C20orf203: variants seen among roughly 807,000 people sequenced by gnomAD.
C20orf203 encodes chromosome 20 open reading frame 203.
A neutral mutation model predicts 15.9 loss-of-function variants in C20orf203; 16 were observed. The ratio of observed to expected loss-of-function variants is 1.01; its 90% confidence interval spans 0.68 to 1.53. The LOEUF is 1.53. C20orf203 is among the 40% of genes most tolerant of loss of function. The pLI, the probability that C20orf203 is intolerant of heterozygous loss-of-function variation, is 0.00. For missense variants in C20orf203, 263 were observed against 247.5 expected (o/e 1.06, Z -0.42); for synonymous variants, 98 against 97.2 (o/e 1.01, Z -0.05).
At chr20:32,655,833 G>A (rs1368117192) in intron 1 of C20orf203, among the ~76,000 whole-genome samples, 1 of 152,166 alleles carries the variant, frequency 6.6e-6, no homozygotes, top group Non-Finnish European at 1.5e-5. Context: ...AGATATGGTT[G>A]GGATGTTTGT....
intron 1 of C20orf203, among the ~76,000 whole-genome samples, chr20:32,668,024 G>C (rs111454426): frequency 5.3e-5 from 8 of 152,292 alleles, no homozygotes; most frequent in African/African-American, 1.9e-4. Flanking sequence ...TCTGGGGCTA[G>C]CCCGCCTGGA....
intron 1 of C20orf203, among the ~76,000 whole-genome samples, chr20:32,671,559 T>C (rs1281714995): frequency 3.3e-5 from 5 of 152,052 alleles, no homozygotes; most frequent in African/African-American, 1.2e-4. Flanking sequence ...AATAGTAGAA[T>C]GGGCCAGGCA....
chr20:32,671,075 G>A (rs1433833063), intron 1 of C20orf203, among the ~76,000 whole-genome samples: 1 of 151,520 alleles, frequency 6.6e-6, no homozygotes, highest in African/African-American at 2.4e-5. Context: ...CTTGTGCATG[G>A]TTAGTGGGAA....
intron 1 of C20orf203, among the ~76,000 whole-genome samples, chr20:32,661,481 G>A (rs1461299309): frequency 6.6e-6 from 1 of 152,160 alleles, no homozygotes; most frequent in African/African-American, 2.4e-5. Context: ...TCCAGCCCTG[G>A]CCCTCCAGAA....
intron 5 of C20orf203, among the ~76,000 whole-genome samples, chr20:32,634,505 C>A (rs1266823868): frequency 1.3e-5 from 2 of 152,084 alleles, no homozygotes; most frequent in Non-Finnish European, 2.9e-5. Context: ...AATTTCATGT[C>A]CAGAAATTTA....
rs572484534 is a variant in C20orf203, at chr20:32,640,628, T to C, written c.*1237A>G. 6.6e-6 allele frequency: 1 copy of C among 152,030 alleles called. No homozygotes were observed. The highest frequency in any genetic ancestry group is 2.4e-5 in the African/African-American group (1 of 41,454). 9.4% of individuals were successfully genotyped at this position (152,030 alleles called of 1,614,324 possible). ...ATCACTTGAACCCGGAAGGTGGAGG[T>C]TGCAGCGAGCTGAGATCACGCCACT... On this transcript the variant is annotated 3_prime_UTR_variant, in exon 5 of 6. Coordinates refer to ENST00000608990, the MANE Select transcript of C20orf203 (RefSeq NM_182584.4).
intron 4 of C20orf203, among the ~76,000 whole-genome samples, chr20:32,648,874 C>A (rs1433451399): frequency 6.6e-6 from 1 of 152,142 alleles, no homozygotes; most frequent in Non-Finnish European, 1.5e-5. Context: ...ATTACCTAAC[C>A]ATGGTAAGTG....
At chr20:32,642,556 A>G (rs1423562339) in intron 4 of C20orf203, among the ~76,000 whole-genome samples, 1 of 152,212 alleles carries the variant, frequency 6.6e-6, no homozygotes, top group Non-Finnish European at 1.5e-5. Flanking sequence ...TGGTGGCAGT[A>G]ATCTATCTGG....
At chr20:32,648,480 G>A (rs1600930894) in intron 4 of C20orf203, among the ~76,000 whole-genome samples, 2 of 121,504 alleles carry the variant, frequency 1.6e-5, no homozygotes, top group Non-Finnish European at 1.6e-5. Flanking sequence ...TCGCTCTGTC[G>A]CCCAGGCTGG....
intron 1 of C20orf203, among the ~76,000 whole-genome samples, chr20:32,671,630 G>A (rs1182711397): frequency 6.6e-6 from 1 of 151,468 alleles, no homozygotes; most frequent in East Asian, 2.0e-4. Flanking sequence ...ATCACCTCAG[G>A]TCAGTTTGAG....
intron 4 of C20orf203, among the ~76,000 whole-genome samples, chr20:32,643,451 C>T (rs965702799): frequency 7.2e-5 from 11 of 152,100 alleles, no homozygotes; most frequent in African/African-American, 2.2e-4. Context: ...TCCCATATTC[C>T]CCCGGATTCA....
chr20:32,650,734 C>G lies in C20orf203; in HGVS notation c.283G>C (p.Glu95Gln), dbSNP rs1156361243. The G allele has an allele frequency of 1.3e-6, 2 of 1,542,502 alleles. No homozygotes were observed. The highest frequency in any genetic ancestry group is 1.2e-5 in the South Asian group (1 of 82,844). The change falls in exon 4 of 6, where the codon GAA becomes CAA. Residue 95 changes from glutamate (E) to glutamine (Q), a missense_variant. Glu to Gln is a conservative substitution (Grantham distance 29). Transcript: ENST00000608990. ...CCCTCCCCACCAACCCAAATCCTTTCCTGATAAGGGCCTGGGTGTTGCGGA... is the reference window on the plus strand; with the variant it reads ...CCCTCCCCACCAACCCAAATCCTTTGCTGATAAGGGCCTGGGTGTTGCGGA... ...PPPQHPGPYQ[E>Q]RIWVGGEGWG...
At chr20:32,634,519 G>GA (rs1165982942) in intron 5 of C20orf203, among the ~76,000 whole-genome samples, 2 of 152,168 alleles carry the variant, frequency 1.3e-5, no homozygotes, top group South Asian at 2.1e-4. Context: ...AAATTTATCA[G>GA]AAAAAAACAC....
chr20:32,671,024 A>C (rs1040794057), intron 1 of C20orf203, among the ~76,000 whole-genome samples: 2 of 152,022 alleles, frequency 1.3e-5, no homozygotes, highest in Admixed American at 6.6e-5. Context: ...AAAAAAAAAA[A>C]AAAAACAACA....
Position 32,634,274 on chromosome 20 carries a change from G to T in C20orf203, c.*1300-4C>A. ...CTGGAGAAGGTTATGCTGGAGTCTG[G>T]AAAGATAAGAAAGAATTAGCAAGAC... On this transcript the variant is annotated splice_polypyrimidine_tract_variant and splice_region_variant and intron_variant, in intron 5 of 5. Transcript: ENST00000608990. 2.5e-6 allele frequency: 1 copy of T among 398,466 alleles called. No individual in the cohort carries two copies. Among genetic ancestry groups the T allele is most frequent in the Non-Finnish European group, 4.4e-6 (1 of 226,064 alleles). The allele number at this position is 398,466 out of a possible 1,614,324, so 24.7% of individuals were successfully genotyped here.
In C20orf203 at chr20:32,634,056, G is replaced by T. The variant is rs1982073078; in HGVS notation, c.*1514C>A. ...TGAAATGAGCCAGTTCTACCCCGGT[G>T]TTGGGAATTCCGAGATGAATCCAGC... On this transcript the variant is annotated 3_prime_UTR_variant, in exon 6 of 6. Coordinates refer to ENST00000608990, the MANE Select transcript of C20orf203 (RefSeq NM_182584.4). 5.0e-6 allele frequency: 2 copies of T among 398,562 alleles called. No homozygotes were observed. Among genetic ancestry groups the T allele is most frequent in the Non-Finnish European group, 8.8e-6 (2 of 226,110 alleles). The allele number at this position is 398,562 out of a possible 1,614,324, so 24.7% of individuals were successfully genotyped here.
chr20:32,655,665 C>T (rs747435317), intron 1 of C20orf203, among the ~76,000 whole-genome samples: 15 of 152,092 alleles, frequency 9.9e-5, no homozygotes, highest in Non-Finnish European at 1.8e-4. Flanking sequence ...TGGTGGCAGA[C>T]GCCTGTAATC....
At chr20:32,664,943 A>T (rs1176745683) in intron 1 of C20orf203, among the ~76,000 whole-genome samples, 1 of 152,234 alleles carries the variant, frequency 6.6e-6, no homozygotes, top group Non-Finnish European at 1.5e-5. Context: ...GCTAGTGTGC[A>T]GCAGGGCTGA....
intron 1 of C20orf203, among the ~76,000 whole-genome samples, chr20:32,662,898 A>AC (rs1435957956): frequency 4.7e-5 from 7 of 149,694 alleles, no homozygotes; most frequent in Non-Finnish European, 8.9e-5. Flanking sequence ...AAAAAAAAAA[A>AC]AACAAGAAAG....
Sources: gnomAD v4.1 joint callset for allele counts (sites outside exome capture counted in the v4.1 genomes callset) on GRCh38, gnomAD v4.1.1 for gene constraint, MANE v1.5 for transcripts, NCBI Gene and HGNC (gene_info 2026-07-23, HGNC 2026-07-21) for gene names.